The following TPTE2 variants were observed in gnomAD, a reference collection of about 807,000 sequenced individuals.
TPTE2 encodes the protein transmembrane phosphoinositide 3-phosphatase and tensin homolog 2, also known as phosphatidylinositol 3,4,5-trisphosphate 3-phosphatase TPTE2.
In TPTE2, 53 loss-of-function variants were observed where a neutral mutation model predicts 78.6. The ratio of observed to expected loss-of-function variants is 0.67; its 90% CI spans 0.54 to 0.85. The LOEUF (loss-of-function observed/expected upper bound fraction) is 0.85. Ranked by LOEUF, TPTE2 falls within the 40% of genes least tolerant of loss-of-function variation. TPTE2 has a pLI of 0.00. For synonymous variants in TPTE2, 175 were observed against 206.2 expected, an observed-to-expected ratio of 0.85 and a Z score of 1.30; for missense variants, 461 against 623.0, an observed-to-expected ratio of 0.74 and a Z score of 2.77.
Position 19,464,524 on chromosome 13 carries a change from A to T in TPTE2, c.677-4T>A. Reference sequence around the variant, plus strand: ...AATGACATAGCAATAATACGTTCTGAAAGTCAAAATCATCACTATTACAAA... The same window carrying T: ...AATGACATAGCAATAATACGTTCTGTAAGTCAAAATCATCACTATTACAAA... On this transcript the variant is annotated splice_region_variant and splice_polypyrimidine_tract_variant and intron_variant, in intron 9 of 19. Coordinates refer to ENST00000400230, the Ensembl canonical transcript of TPTE2. 5.0e-6 allele frequency: 8 copies of T among 1,612,574 alleles called. No individual in the cohort carries two copies. Among genetic ancestry groups the T allele is most frequent in the Non-Finnish European group, 6.8e-6 (8 of 1,179,138 alleles).
At chr13:19,543,459 G>A in the TPTE2 span, among the ~76,000 whole-genome samples, 6 of 151,216 alleles carry the variant, frequency 4.0e-5, no homozygotes, top group Non-Finnish European at 5.9e-5. Context: ...CCGGGTTCAA[G>A]TGATCTCCTG....
chr13:19,497,934 C>G (rs1384236363), intron 1 of TPTE2, among the ~76,000 whole-genome samples: 1 of 151,484 alleles, frequency 6.6e-6, no homozygotes, highest in Non-Finnish European at 1.5e-5. Context: ...ACTAGAATAA[C>G]CAATACAGAG....
chr13:19,551,253 T>G, the TPTE2 span, among the ~76,000 whole-genome samples: 1 of 152,200 alleles, frequency 6.6e-6, no homozygotes, highest in Non-Finnish European at 1.5e-5. Context: ...ACATACGTTA[T>G]GTAATACATG....
intron 1 of TPTE2, among the ~76,000 whole-genome samples, chr13:19,526,684 T>A (rs1033620196): frequency 1.1e-4 from 17 of 152,128 alleles, no homozygotes; most frequent in Non-Finnish European, 2.4e-4. Flanking sequence ...TTTACATATA[T>A]AACAAACCTG....
Position 19,517,907 on chromosome 13 carries a change from G to A in TPTE2, c.-43-14630C>T, listed in dbSNP as rs936404801. ...CAAAGACCACAGGATAATAACCTCA[G>A]AGCAGAGATTATCTCTCCAGTTATT... On this transcript the variant is annotated intron_variant, in intron 1 of 17. Transcript: ENST00000390680. Among the ~76,000 whole-genome samples, 21 of 152,200 alleles carry A rather than the reference G, an allele frequency of 1.4e-4. 2 individuals are homozygous for A. The highest frequency in any genetic ancestry group is 2.9e-5 in the Non-Finnish European group (2 of 68,038).
chr13:19,491,659 A>G (rs988866874), intron 3 of TPTE2, among the ~76,000 whole-genome samples: 1 of 151,992 alleles, frequency 6.6e-6, no homozygotes, highest in Admixed American at 6.6e-5. Flanking sequence ...CCCCGCCCCT[A>G]CCAAAAATAC....
rs778714253 is a variant in TPTE2 at position 19,535,194 on chromosome 13, T to C, written c.-44+1402A>G. ...CTCTAGCCTGGGTGACAGAGTGAGA[T>C]TCCTTCTCAAAAAAACAAACAAACA... On this transcript the variant is annotated intron_variant, in intron 1 of 17. Transcript: ENST00000390680. The surrounding 1 kb of genome is among the most constrained non-coding windows in gnomAD (Gnocchi z 5.1). Among the ~76,000 whole-genome samples the C allele has an allele frequency of 2.7e-4, 39 of 144,780 alleles. No homozygotes were observed. Among genetic ancestry groups the C allele is most frequent in the Admixed American group, 9.5e-4 (13 of 13,640 alleles). The allele number at this position is 144,780 out of a possible 152,430, so 95.0% of individuals were successfully genotyped here. A position where few individuals can be genotyped will look rare whatever the true frequency, so the allele number is the denominator to read the frequency against.
chr13:19,466,511 C>G (rs1317159161), intron 7 of TPTE2, among the ~76,000 whole-genome samples: 1 of 152,180 alleles, frequency 6.6e-6, no homozygotes, highest in Non-Finnish European at 1.5e-5. Flanking sequence ...TTTCATTTTC[C>G]TCATTGTCAC....
chr13:19,451,447 T>C lies in TPTE2; in HGVS notation c.742-222A>G, dbSNP rs148553429. On this transcript the variant is annotated intron_variant, in intron 10 of 19. Transcript: ENST00000400230. ...GTTTGGCTACTCAGATGAGTCTCTA[T>C]TGTAAATACACACTGTTTAAAGCTA... Among the ~76,000 whole-genome samples the C allele has an allele frequency of 5.0e-3, 756 of 152,318 alleles. 8 individuals carry two copies. Among genetic ancestry groups the C allele is most frequent in the African/African-American group, 0.017 (720 of 41,572 alleles).
Position 19,518,770 on chromosome 13 carries a change from C to T in TPTE2, c.-43-15493G>A, listed in dbSNP as rs149135399. ...GAAGTCATCACTCCCATCTTCACAACGGAAAAAAAGATAATCAAACTGAAA... is the reference window on the plus strand; with the variant it reads ...GAAGTCATCACTCCCATCTTCACAATGGAAAAAAAGATAATCAAACTGAAA... On this transcript the variant is annotated intron_variant, in intron 1 of 17. Transcript: ENST00000390680. Among the ~76,000 whole-genome samples the T allele has an allele frequency of 3.4e-3, 518 of 152,166 alleles. 4 individuals carry two copies. Among genetic ancestry groups the T allele is most frequent in the African/African-American group, 0.012 (496 of 41,522 alleles).
At chr13:19,445,180 A>T (rs1477990464) in intron 13 of TPTE2, among the ~76,000 whole-genome samples, 1 of 152,178 alleles carries the variant, frequency 6.6e-6, no homozygotes, top group Non-Finnish European at 1.5e-5. Context: ...AGAGCAGAAA[A>T]GCTTTCTTGA....
At position 19,426,346 on chromosome 13, in the gene TPTE2, A is replaced by C; in HGVS notation, c.1395+79T>G. 1.1e-5 allele frequency: 11 copies of C among 1,029,000 alleles called. No individual in the cohort carries two copies. In the South Asian group the frequency reaches 1.4e-4, roughly 13 times the overall value. 63.7% of individuals were successfully genotyped at this position (1,029,000 alleles called of 1,614,324 possible). ...CTCCCCCTCCCCCTCCCTTGTTGGG[A>C]ATTGTAGTAAAGCAAATCTGAAATA... On this transcript the variant is annotated intron_variant, in intron 18 of 19. Coordinates refer to ENST00000400230, the Ensembl canonical transcript of TPTE2.
At chr13:19,511,608 G>C (rs1408500118) in intron 1 of TPTE2, among the ~76,000 whole-genome samples, 2 of 152,060 alleles carry the variant, frequency 1.3e-5, no homozygotes, top group African/African-American at 4.8e-5. Flanking sequence ...CTGATTCCAG[G>C]GCTGGGGAAA....
intron 13 of TPTE2, among the ~76,000 whole-genome samples, chr13:19,443,928 A>G (rs983471087): frequency 6.6e-6 from 1 of 152,196 alleles, no homozygotes; most frequent in African/African-American, 2.4e-5. Context: ...TGGAAAAAAT[A>G]CAATTTATTA....
chr13:19,422,965 A>C, exon 20 of TPTE2: 1 of 1,488,756 alleles, frequency 6.7e-7, no homozygotes, highest in Non-Finnish European at 9.2e-7. Flanking sequence ...CTTAGGACAC[A>C]TGAACATGTG....
chr13:19,513,077 T>G (rs1318005301), intron 1 of TPTE2, among the ~76,000 whole-genome samples: 1 of 152,160 alleles, frequency 6.6e-6, no homozygotes, highest in Non-Finnish European at 1.5e-5. Flanking sequence ...TAAAAAAAAT[T>G]TTGGTGACTA....
chr13:19,498,103 AAG>A (rs2137658742), intron 1 of TPTE2, among the ~76,000 whole-genome samples: 2 of 152,002 alleles, frequency 1.3e-5, no homozygotes, highest in Admixed American at 1.3e-4. Flanking sequence ...TTAGAGAAAA[AAG>A]AATAAAAAGA....
intron 1 of TPTE2, among the ~76,000 whole-genome samples, chr13:19,523,774 A>G (rs1371229184): frequency 1.3e-5 from 2 of 152,136 alleles, no homozygotes; most frequent in Non-Finnish European, 2.9e-5. Context: ...CCCAGCCCCA[A>G]ATACACTTTT....
the TPTE2 span, among the ~76,000 whole-genome samples, chr13:19,555,148 C>T: frequency 6.6e-6 from 1 of 152,132 alleles, no homozygotes; most frequent in African/African-American, 2.4e-5. Context: ...ACATTTAATC[C>T]TTGACATGTA....
Sources: gnomAD v4.1 joint callset for allele counts (sites outside exome capture counted in the v4.1 genomes callset) on GRCh38, gnomAD v4.1.1 for gene constraint, Gnocchi (gnomAD v3.1) non-coding constraint, MANE v1.5 for transcripts, NCBI Gene and HGNC (gene_info 2026-07-23, HGNC 2026-07-21) for gene names.